CARD6: variants seen among roughly 807,000 people sequenced by gnomAD.
CARD6 encodes caspase recruitment domain-containing protein 6.
A neutral mutation model predicts 23.6 loss-of-function variants in CARD6; 27 were observed. The ratio of observed to expected loss-of-function variants is 1.14; its 90% confidence interval spans 0.84 to 1.58. The LOEUF (loss-of-function observed/expected upper bound fraction) is 1.58. Among genes scored for constraint, CARD6 ranks in the 40% most tolerant of loss-of-function variants. The probability of loss-of-function intolerance (pLI) is 0.00; values close to 1 mark genes in which losing one functional copy is unlikely to be tolerated. For missense variants in CARD6, 1,214 were observed against 1,209.9 expected (o/e 1.00, Z -0.05); for synonymous variants, 397 against 431.8 (o/e 0.92, Z 1.00).
Position 40,853,729 on chromosome 5 carries a change from C to T in CARD6, c.2397C>T (p.Phe799=). 5.6e-6 allele frequency: 9 copies of T among 1,614,148 alleles called. No homozygotes were observed. Among genetic ancestry groups the T allele is most frequent in the Non-Finnish European group, 7.6e-6 (9 of 1,180,030 alleles). The change falls in exon 3 of 3, where the codon TTC becomes TTT. Residue 799 remains phenylalanine (F), a synonymous_variant. Coordinates refer to ENST00000254691, the MANE Select transcript of CARD6 (RefSeq NM_032587.4). The part of the protein sequence containing the change: ...HPQIFYSGER[F]MKFSRVARGC... ...AGATATTTTATTCAGGTGAAAGATTCATGAAATTTTCCAGAGTTGCTCGGG... is the reference window on the plus strand; with the variant it reads ...AGATATTTTATTCAGGTGAAAGATTTATGAAATTTTCCAGAGTTGCTCGGG...
chr5:40,852,310 C>T lies in CARD6; in HGVS notation c.978C>T (p.Ala326=). The change falls in exon 3 of 3, where the codon GCC becomes GCT. Residue 326 remains alanine (A), a synonymous_variant. Coordinates refer to ENST00000254691, the MANE Select transcript of CARD6 (RefSeq NM_032587.4). ...CCCCTGAGAGTCCAGGAGACTTAGC[C>T]TGGAATTTCCTGATGAAAGTTCAAG... is the stretch of plus-strand genomic sequence containing the variant. ...KWTPESPGDL[A]WNFLMKVQAR... 1 of 1,614,118 alleles carries T rather than the reference C, an allele frequency of 6.2e-7. No individual in the cohort carries two copies. The highest frequency in any genetic ancestry group is 8.5e-7 in the Non-Finnish European group (1 of 1,180,012).
rs1746082197 is a variant in CARD6, at chr5:40,852,361, A to G, written c.1029A>G (p.Ser343=). 6.2e-7 allele frequency: 1 copy of G among 1,614,128 alleles called. No homozygotes were observed. ...CACGAGATGTGACGGCTAGGGATTC[A>G]ATCCTCAGTCACAAGGTTCTGGATG... ...VQARDVTARD[S]ILSHKVLDED... The change falls in exon 3 of 3, where the codon TCA becomes TCG. Residue 343 remains serine (S), a synonymous_variant. Transcript: ENST00000254691.
In CARD6 at chr5:40,853,130, C is replaced by A; in HGVS notation, c.1798C>A (p.Leu600Met). 1 of 1,614,120 alleles carries A rather than the reference C, an allele frequency of 6.2e-7. No individual in the cohort carries two copies. Among genetic ancestry groups the A allele is most frequent in the Non-Finnish European group, 8.5e-7 (1 of 1,180,012 alleles). ...SEEAQIFQRILNLKPAQLLFW... is the reference protein window; with the variant it reads ...SEEAQIFQRIMNLKPAQLLFW... ...AGAGGCTCAAATTTTTCAGAGGATACTGAACTTGAAGCCAGCACAGCTACT... is the reference window on the plus strand; with the variant it reads ...AGAGGCTCAAATTTTTCAGAGGATAATGAACTTGAAGCCAGCACAGCTACT... The change falls in exon 3 of 3, where the codon CTG (leucine) becomes ATG (methionine). Residue 600 changes from leucine (L) to methionine (M), a missense_variant. Physicochemically the swap from Leu to Met is conservative, Grantham distance 15. Transcript: ENST00000254691.
Position 40,843,592 on chromosome 5 carries a change from G to C in CARD6, c.724G>C (p.Asp242His). 1 of 1,609,826 alleles carries C rather than the reference G, an allele frequency of 6.2e-7. No homozygotes were observed. Among genetic ancestry groups the C allele is most frequent in the Non-Finnish European group, 8.5e-7 (1 of 1,178,978 alleles). Residue 242 changes from aspartate (D) to histidine (H), a missense_variant, in exon 2 of 3, where the codon GAT becomes CAT. By Grantham distance (81) the Asp-to-His change is moderately conservative. Transcript: ENST00000254691. ...VYDDPEHVGY[D>H]GEEDFENSET... Reference sequence around the variant, plus strand: ...TGATGACCCAGAGCACGTTGGATATGATGGTGAAGAGGACTTCGAGAATTC... The same window carrying C: ...TGATGACCCAGAGCACGTTGGATATCATGGTGAAGAGGACTTCGAGAATTC...
At chr5:40,850,413 C>CAAAAAAAAAAAAAAAAA (rs70988813) in intron 2 of CARD6, among the ~76,000 whole-genome samples, 1 of 36,604 alleles carries the variant, frequency 2.7e-5, no homozygotes, top group Non-Finnish European at 4.3e-5. Context: ...CACTCCATCT[C>CAAAAAAAAAAAAAAAAA]AAAAAAAAAA....
Position 40,853,723 on chromosome 5 carries a change from A to G in CARD6, c.2391A>G (p.Glu797=). 6.2e-7 allele frequency: 1 copy of G among 1,614,216 alleles called. No homozygotes were observed. The highest frequency in any genetic ancestry group is 1.1e-5 in the South Asian group (1 of 91,084). Residue 797 remains glutamate, a synonymous_variant, in exon 3 of 3, where the codon GAA becomes GAG. Transcript: ENST00000254691. The part of the protein sequence containing the change: ...SFHPQIFYSG[E]RFMKFSRVAR... ...ATCCCCAGATATTTTATTCAGGTGA[A>G]AGATTCATGAAATTTTCCAGAGTTG...
At position 40,851,398 on chromosome 5, in the gene CARD6, T is replaced by G. The variant is rs189641191; in HGVS notation, c.842-776T>G. Among the ~76,000 whole-genome samples, 14 of 152,254 alleles carry G rather than the reference T, an allele frequency of 9.2e-5. No individual in the cohort carries two copies. In the East Asian group the frequency reaches 2.7e-3, roughly 29 times the overall value. Reference sequence around the variant, plus strand: ...ATATATGCATGCATACTTAAGTACTTGCATAGAAAAAGGATGGGAAGCAAA... The same window carrying G: ...ATATATGCATGCATACTTAAGTACTGGCATAGAAAAAGGATGGGAAGCAAA... On this transcript the variant is annotated intron_variant, in intron 2 of 2. Transcript: ENST00000254691.
rs751335791 is a variant in CARD6 at position 40,843,466 on chromosome 5, T to G, written c.598T>G (p.Tyr200Asp). The change falls in exon 2 of 3, where the codon TAT becomes GAT. Residue 200 changes from tyrosine to aspartate, a missense_variant. Tyr to Asp is a radical substitution (Grantham distance 160, BLOSUM62 -3). Transcript: ENST00000254691. ...TITYIKDGQR[Y>D]EELDDSLYLG... ...TACATATATAAAAGATGGACAGAGATATGAGGAGCTAGATGATTCTTTATA... is the reference window on the plus strand; with the variant it reads ...TACATATATAAAAGATGGACAGAGAGATGAGGAGCTAGATGATTCTTTATA... 1.2e-6 allele frequency: 2 copies of G among 1,613,066 alleles called. No individual in the cohort carries two copies. Among genetic ancestry groups the G allele is most frequent in the Admixed American group, 3.3e-5 (2 of 59,782 alleles).
At chr5:40,849,542 A>G (rs191762916) in intron 2 of CARD6, among the ~76,000 whole-genome samples, 2 of 149,286 alleles carry the variant, frequency 1.3e-5, no homozygotes, top group East Asian at 4.1e-4. Flanking sequence ...CCTAAAATCT[A>G]TGCTTTTCTC....
At position 40,843,317 on chromosome 5, in the gene CARD6, A is replaced by G; in HGVS notation, c.449A>G (p.Asp150Gly). The change falls in exon 2 of 3, where the codon GAC becomes GGC. Residue 150 changes from aspartate (D) to glycine (G), a missense_variant. Transcript: ENST00000254691. ...LDLETSEFFR[D>G]KKTSYRETAL... is the part of the protein sequence containing the mutation. ...TTGGAAACCTCTGAGTTTTTCAGGG[A>G]CAAGAAAACTAGTTATAGGGAAACA... is the stretch of plus-strand genomic sequence containing the variant. 6.2e-7 allele frequency: 1 copy of G among 1,614,182 alleles called. No homozygotes were observed. The highest frequency in any genetic ancestry group is 8.5e-7 in the Non-Finnish European group (1 of 1,180,028).
Position 40,854,029 on chromosome 5 carries a change from T to C in CARD6, c.2697T>C (p.Phe899=). Residue 899 remains phenylalanine, a synonymous_variant, in exon 3 of 3, where the codon TTT becomes TTC. Transcript: ENST00000254691. ...TTGGAAAGCCTCACCCTCAGTCCTT[T>C]CAACCAGCAGCAGCCACACAAAAAC... ...SHIGKPHPQS[F]QPAAATQKLR... 1 of 1,614,136 alleles carries C rather than the reference T, an allele frequency of 6.2e-7. No individual in the cohort carries two copies. The highest frequency in any genetic ancestry group is 8.5e-7 in the Non-Finnish European group (1 of 1,180,022).
chr5:40,851,931 A>G (rs1746072249), intron 2 of CARD6, among the ~76,000 whole-genome samples: 2 of 151,868 alleles, frequency 1.3e-5, no homozygotes, highest in African/African-American at 4.8e-5. Flanking sequence ...GTTCAGAGTC[A>G]GCCTGGGCAA....
At chr5:40,848,341 A>G (rs1745999148) in intron 2 of CARD6, among the ~76,000 whole-genome samples, 2 of 151,512 alleles carry the variant, frequency 1.3e-5, no homozygotes, top group Non-Finnish European at 2.9e-5. Context: ...TCGGCCTCTC[A>G]AGTAGCTAGG....
In CARD6 at chr5:40,854,509, A is replaced by G; in HGVS notation, c.*63A>G. The G allele has an allele frequency of 7.6e-7, 1 of 1,317,024 alleles. No individual in the cohort carries two copies. The highest frequency in any genetic ancestry group is 1.1e-6 in the Non-Finnish European group (1 of 938,816). The allele number at this position is 1,317,024 out of a possible 1,614,324, so 81.6% of individuals were successfully genotyped here. A position where few individuals can be genotyped will look rare whatever the true frequency, so the allele number is the denominator to read the frequency against. ...CCCAGGCCATTCCTATCATATAGTA[A>G]GCAGAAGAGTTGCCATGAAAGTAAA... On this transcript the variant is annotated 3_prime_UTR_variant, in exon 3 of 3. Transcript: ENST00000254691.
In CARD6 at chr5:40,843,359, A is replaced by G; in HGVS notation, c.491A>G (p.Lys164Arg). 6.2e-7 allele frequency: 1 copy of G among 1,614,200 alleles called. No homozygotes were observed. The highest frequency in any genetic ancestry group is 1.1e-5 in the South Asian group (1 of 91,082). The part of the protein sequence containing the change: ...SYRETALSAR[K>R]NEKEYDTPEV... ...AGGGAAACAGCTTTGTCTGCCAGGA[A>G]GAATGAGAAGGAATATGACACACCA... The change falls in exon 2 of 3, where the codon AAG becomes AGG. Residue 164 changes from lysine (K) to arginine (R), a missense_variant. By Grantham distance (26) the Lys-to-Arg change is conservative (BLOSUM62 2). Transcript: ENST00000254691.
chr5:40,852,281 T>C lies in CARD6; in HGVS notation c.949T>C (p.Trp317Arg). The change falls in exon 3 of 3, where the codon TGG (tryptophan) becomes CGG (arginine). Residue 317 changes from tryptophan (W) to arginine (R), a missense_variant. Trp to Arg is a moderately radical substitution (Grantham distance 101). Transcript: ENST00000254691. ...ATTCTCCTTAGATCGAGGATGTAAG[T>C]GGACCCCTGAGAGTCCAGGAGACTT... Reference protein sequence around the residue: ...KQFSLDRGCKWTPESPGDLAW... With the variant: ...KQFSLDRGCKRTPESPGDLAW... 6.2e-7 allele frequency: 1 copy of C among 1,614,102 alleles called. No individual in the cohort carries two copies. Among genetic ancestry groups the C allele is most frequent in the Non-Finnish European group, 8.5e-7 (1 of 1,179,956 alleles).
At position 40,853,514 on chromosome 5, in the gene CARD6, C is replaced by T; in HGVS notation, c.2182C>T (p.Leu728=). The change falls in exon 3 of 3, where the codon CTA becomes TTA. Residue 728 remains leucine, a synonymous_variant. Transcript: ENST00000254691. ...LYGTPVFRPV[L]ENSWLFPTRI... ...TGGTACCCCAGTATTCAGGCCTGTT[C>T]TAGAGAACTCCTGGCTCTTTCCAAC... 3.1e-6 allele frequency: 5 copies of T among 1,614,176 alleles called. No homozygotes were observed. Among genetic ancestry groups the T allele is most frequent in the Non-Finnish European group, 4.2e-6 (5 of 1,180,024 alleles).
rs2112180633 is a variant in CARD6 at position 40,854,287 on chromosome 5, T to C, written c.2955T>C (p.Ser985=). Residue 985 remains serine (S), a synonymous_variant, in exon 3 of 3, where the codon TCT becomes TCC. Transcript: ENST00000254691. ...CQSQPSQTKP[S]PCKSTQPKPS... ...CCCAGCCCTCCCAAACTAAACCTTC[T>C]CCATGCAAATCTACTCAGCCTAAGC... 6.2e-7 allele frequency: 1 copy of C among 1,613,988 alleles called. No homozygotes were observed. The highest frequency in any genetic ancestry group is 8.5e-7 in the Non-Finnish European group (1 of 1,180,000).
intron 2 of CARD6, among the ~76,000 whole-genome samples, chr5:40,850,670 C>T (rs370184175): frequency 1.6e-5 from 2 of 127,856 alleles, no homozygotes; most frequent in Non-Finnish European, 3.2e-5. Context: ...TGCAGTGAGC[C>T]GAGATCGAGC....
Sources: allele counts gnomAD v4.1 joint callset (sites outside exome capture counted in the v4.1 genomes callset), GRCh38; gene constraint gnomAD v4.1.1; transcripts MANE v1.5; gene names NCBI Gene and HGNC (gene_info 2026-07-23, HGNC 2026-07-21).